SYNPR: variants seen among roughly 807,000 people sequenced by gnomAD.
SYNPR encodes the protein synaptoporin.
In SYNPR, 23 loss-of-function variants were observed where a neutral mutation model predicts 32.9. The ratio of observed to expected loss-of-function variants is 0.70; its 90% CI spans 0.50 to 0.99. The LOEUF is 0.99. Ranked by LOEUF, SYNPR falls within the 50% of genes least tolerant of loss-of-function variation. SYNPR has a pLI of 0.00. For synonymous variants in SYNPR, 146 were observed against 135.9 expected (o/e 1.07, Z -0.52); for missense variants, 318 against 349.3 (o/e 0.91, Z 0.71).
chr3:63,399,719 A>AAT lies in SYNPR; in HGVS notation c.85-81112_85-81111insTA, dbSNP rs570572820. Among the ~76,000 whole-genome samples the AAT allele has an allele frequency of 1.7e-3, 263 of 152,260 alleles. 4 individuals are homozygous for AAT. Among genetic ancestry groups the AAT allele is most frequent in the Middle Eastern group, 0.01 (3 of 294 alleles). Reference sequence around the variant, plus strand: ...CTGTGGTAGACTAGGTTATTGTGCCAAGTTTACTCCCTCCCAAGTAGCATA... The same window carrying AAT: ...CTGTGGTAGACTAGGTTATTGTGCCAATAGTTTACTCCCTCCCAAGTAGCATA... On this transcript the variant is annotated intron_variant, in intron 2 of 5. Transcript: ENST00000478300.
intron 2 of SYNPR, among the ~76,000 whole-genome samples, chr3:63,342,833 G>A (rs991771539): frequency 1.3e-5 from 2 of 152,154 alleles, no homozygotes; most frequent in African/African-American, 4.8e-5. Flanking sequence ...CATGTTGATT[G>A]ATTTTGGGTA....
chr3:63,392,533 G>C (rs923906677), intron 2 of SYNPR, among the ~76,000 whole-genome samples: 2 of 152,122 alleles, frequency 1.3e-5, no homozygotes, highest in Non-Finnish European at 2.9e-5. Flanking sequence ...GCTGCTGTGA[G>C]AATCCAGGGA....
At chr3:63,407,310 CA>C (rs1320306630) in intron 2 of SYNPR, among the ~76,000 whole-genome samples, 11 of 152,214 alleles carry the variant, frequency 7.2e-5, no homozygotes, top group Non-Finnish European at 1.6e-4. Context: ...ACAGCAAGCT[CA>C]AAAAATGCTT....
intron 4 of SYNPR, among the ~76,000 whole-genome samples, chr3:63,595,753 A>AGT (rs1157793396): frequency 4.5e-5 from 2 of 44,768 alleles, no homozygotes; most frequent in African/African-American, 3.2e-4. Flanking sequence ...ATATATATAT[A>AGT]TATATATATA....
the SYNPR span, among the ~76,000 whole-genome samples, chr3:63,203,064 A>ATGTG: frequency 0.047 from 2,012 of 42,736 alleles, 103 homozygotes; most frequent in South Asian, 0.12. Flanking sequence ...ATATATATGT[A>ATGTG]TGTGTATATA....
At chr3:63,611,465 G>T (rs1202031892) in intron 5 of SYNPR, among the ~76,000 whole-genome samples, 1 of 152,120 alleles carries the variant, frequency 6.6e-6, no homozygotes, top group African/African-American at 2.4e-5. Context: ...AAATTGTTTG[G>T]CTTCAAATCA....
At position 63,390,484 on chromosome 3, in the gene SYNPR, C is replaced by T. The variant is rs560261454; in HGVS notation, c.85-90348C>T. 4.6e-5 allele frequency among the ~76,000 whole-genome samples: 7 copies of T among 152,314 alleles called. No individual in the cohort carries two copies. In the South Asian group the frequency reaches 1.5e-3, roughly 32 times the overall value. On this transcript the variant is annotated intron_variant, in intron 2 of 5. Transcript: ENST00000478300. Reference sequence around the variant, plus strand: ...GAAGATAGGGTGTCATCACCAACTGCTTCCTGAGGACACACATCTCATCTG... The same window carrying T: ...GAAGATAGGGTGTCATCACCAACTGTTTCCTGAGGACACACATCTCATCTG...
chr3:63,576,963 T>C (rs1186014543), intron 4 of SYNPR, among the ~76,000 whole-genome samples: 1 of 152,154 alleles, frequency 6.6e-6, no homozygotes, highest in East Asian at 1.9e-4. Flanking sequence ...GATACATTTT[T>C]TTTTAACCTA....
rs369851169 is a variant in SYNPR, at chr3:63,233,240, T to C, written n.66+4860T>C. On this transcript the variant is annotated intron_variant and non_coding_transcript_variant, in intron 1 of 4. Transcript: ENST00000478456. ...CAGCCCAGCAGATTCTTAAGCCGAA[T>C]GGAATTTGAAACCACTGTTCTAGCT... is the stretch of plus-strand genomic sequence containing the variant. 1.3e-3 allele frequency among the ~76,000 whole-genome samples: 202 copies of C among 152,328 alleles called. 4 individuals carry two copies. In the South Asian group the frequency reaches 0.041, roughly 31 times the overall value.
At position 63,304,354 on chromosome 3, in the gene SYNPR, TTGTGTG is replaced by T. The variant is rs34570930; in HGVS notation, c.84+25636_84+25641del. On this transcript the variant is annotated intron_variant, in intron 2 of 5. Coordinates refer to ENST00000478300, the MANE Select transcript of SYNPR (RefSeq NM_001130003.2). ...CAAGAAAAAGAAAGTGTGTGTGTGT[TTGTGTG>T]TGTGTGTGTGTGTGTGTGTGTGTAA... 6.0e-3 allele frequency among the ~76,000 whole-genome samples: 873 copies of T among 146,582 alleles called. 6 individuals carry two copies. The highest frequency in any genetic ancestry group is 0.019 in the African/African-American group (776 of 40,180).
At chr3:63,245,501 T>C (rs2086277007) in intron 1 of SYNPR, among the ~76,000 whole-genome samples, 1 of 152,050 alleles carries the variant, frequency 6.6e-6, no homozygotes, top group Admixed American at 6.6e-5. Flanking sequence ...GGTGATACAG[T>C]TAACTAACCT....
At chr3:63,453,372 T>A (rs1700418416) in intron 2 of SYNPR, among the ~76,000 whole-genome samples, 1 of 152,158 alleles carries the variant, frequency 6.6e-6, no homozygotes, top group Non-Finnish European at 1.5e-5. Flanking sequence ...AGTTTCTCAC[T>A]AAGTAGTCCA....
At chr3:63,449,184 T>C (rs1700335500) in intron 2 of SYNPR, among the ~76,000 whole-genome samples, 1 of 152,196 alleles carries the variant, frequency 6.6e-6, no homozygotes, top group South Asian at 2.1e-4. Flanking sequence ...CTAAAGAAAC[T>C]ATGATTTTCC....
At chr3:63,275,645 T>C (rs556632026), upstream of SYNPR, among the ~76,000 whole-genome samples, 66 of 152,318 alleles carry the variant, frequency 4.3e-4, no homozygotes, top group African/African-American at 1.5e-3. Flanking sequence ...TATAAAGAGA[T>C]ATAAATATGT....
intron 3 of SYNPR, among the ~76,000 whole-genome samples, chr3:63,494,475 A>ATG (rs1701329808): frequency 7.4e-6 from 1 of 134,368 alleles, no homozygotes; most frequent in Admixed American, 7.3e-5. Context: ...ATACACATAT[A>ATG]TACATATATA....
Position 63,468,491 on chromosome 3 carries a change from G to GCACACA in SYNPR, c.85-12322_85-12317dup, listed in dbSNP as rs10663212. ...GGATTCTATTTAATATACCTGCAAA[G>GCACACA]CACACACACACACACACACACACAA... On this transcript the variant is annotated intron_variant, in intron 2 of 5. Transcript: ENST00000478300. Among the ~76,000 whole-genome samples, 501 of 148,654 alleles carry GCACACA rather than the reference G, an allele frequency of 3.4e-3. 1 individual carries two copies. The highest frequency in any genetic ancestry group is 6.6e-3 in the African/African-American group (265 of 40,128).
intron 3 of SYNPR, among the ~76,000 whole-genome samples, chr3:63,484,975 C>G (rs114483182): frequency 0.017 from 2,527 of 152,116 alleles, 69 homozygotes; most frequent in African/African-American, 0.058. Flanking sequence ...AGGAAAATAA[C>G]AGGGAAATCT....
chr3:63,374,060 T>C (rs181074971), intron 2 of SYNPR, among the ~76,000 whole-genome samples: 75 of 152,280 alleles, frequency 4.9e-4, no homozygotes, highest in Non-Finnish European at 9.1e-4. Context: ...TGGACCTACC[T>C]TACAAGTTTC....
intron 2 of SYNPR, among the ~76,000 whole-genome samples, chr3:63,257,956 G>T (rs759381598): frequency 6.6e-5 from 10 of 152,116 alleles, no homozygotes; most frequent in Non-Finnish European, 1.2e-4. Context: ...AACCAACAAA[G>T]ATCAAAAGAG....
Sources: allele counts gnomAD v4.1 joint callset (sites outside exome capture counted in the v4.1 genomes callset), GRCh38; gene constraint gnomAD v4.1.1; transcripts MANE v1.5; gene names NCBI Gene and HGNC (gene_info 2026-07-23, HGNC 2026-07-21).